The following RSPRY1 variants were observed in gnomAD, a reference collection of about 807,000 sequenced individuals.
The protein encoded by RSPRY1 is RING finger and SPRY domain-containing protein 1.
Under a neutral mutation model 73.1 loss-of-function variants are expected in RSPRY1, and 23 were observed. The ratio of observed to expected loss-of-function variants is 0.31; its 90% CI spans 0.23 to 0.45. RSPRY1 has a LOEUF of 0.45. RSPRY1 is among the 20% of genes least tolerant of loss of function. The probability of loss-of-function intolerance (pLI) is 1.00; values close to 1 mark genes in which losing one functional copy is unlikely to be tolerated. For missense variants in RSPRY1, 448 were observed against 698.7 expected (o/e 0.64, Z 4.05); for synonymous variants, 226 against 251.4 (o/e 0.90, Z 0.95).
At chr16:57,212,102 A>G (rs1409290411) in intron 4 of RSPRY1, among the ~76,000 whole-genome samples, 7 of 152,166 alleles carry the variant, frequency 4.6e-5, no homozygotes, top group Non-Finnish European at 8.8e-5. Flanking sequence ...ACTTAAGGCC[A>G]GGAGTTCAAG....
At chr16:57,235,740 G>T (rs1312815842) in intron 14 of RSPRY1, among the ~76,000 whole-genome samples, 1 of 152,230 alleles carries the variant, frequency 6.6e-6, no homozygotes, top group Non-Finnish European at 1.5e-5. Context: ...GCCAGTCAAT[G>T]TGTGCCGATT....
At chr16:57,232,766 A>G (rs2075244704) in intron 13 of RSPRY1, among the ~76,000 whole-genome samples, 1 of 152,248 alleles carries the variant, frequency 6.6e-6, no homozygotes, top group South Asian at 2.1e-4. Flanking sequence ...GGCAGCTTAT[A>G]CATACTCTCT....
At chr16:57,221,222 G>T in intron 9 of RSPRY1, 50 bp from the exon 10 acceptor site, 1 of 1,599,720 alleles carries the variant, frequency 6.3e-7, no homozygotes, top group Non-Finnish European at 8.5e-7. Flanking sequence ...GTTATCTTTG[G>T]TGGTCTTCAG....
chr16:57,231,224 T>C lies in RSPRY1; in HGVS notation c.1434T>C (p.Phe478=). The part of the protein sequence containing the change: ...FMSYQQCEFN[F]GAKPFKYPPS... The stretch of plus-strand genomic sequence containing the variant: ...CATATCAACAATGTGAGTTCAATTT[T>C]GGAGCAAAACCATTCAAATACCCAC... Residue 478 remains phenylalanine, a synonymous_variant, in exon 13 of 15, where the codon TTT becomes TTC. Coordinates refer to ENST00000394420, the MANE Select transcript of RSPRY1 (RefSeq NM_133368.3). 6.2e-7 allele frequency: 1 copy of C among 1,614,028 alleles called. No individual in the cohort carries two copies. The highest frequency in any genetic ancestry group is 8.5e-7 in the Non-Finnish European group (1 of 1,179,962).
intron 14 of RSPRY1, among the ~76,000 whole-genome samples, chr16:57,235,543 A>G (rs990510337): frequency 1.3e-5 from 2 of 152,202 alleles, no homozygotes; most frequent in Non-Finnish European, 2.9e-5. Flanking sequence ...ACAGTCAACC[A>G]TTGAGAAGTT....
intron 3 of RSPRY1, among the ~76,000 whole-genome samples, chr16:57,208,542 G>A (rs1420783358): frequency 6.6e-6 from 1 of 151,190 alleles, no homozygotes; most frequent in African/African-American, 2.4e-5. Flanking sequence ...TAGCACCACA[G>A]GCGCATGCCA....
At chr16:57,193,020 T>A (rs1221826111) in intron 1 of RSPRY1, among the ~76,000 whole-genome samples, 1 of 152,148 alleles carries the variant, frequency 6.6e-6, no homozygotes, top group Non-Finnish European at 1.5e-5. Context: ...CCTGCTCAGA[T>A]AGTCTTTCAA....
chr16:57,199,551 A>G (rs1487564276), intron 1 of RSPRY1, among the ~76,000 whole-genome samples: 2 of 152,236 alleles, frequency 1.3e-5, no homozygotes, highest in African/African-American at 4.8e-5. Flanking sequence ...CAAACATATG[A>G]AGCTTTTAAG....
chr16:57,186,245 T>C (rs2074166045), upstream of RSPRY1: 1 of 902,444 alleles, frequency 1.1e-6, no homozygotes, highest in African/African-American at 1.8e-5. Flanking sequence ...GGTGATTGGC[T>C]GTCAAGGAGA....
chr16:57,202,914 ACTTTCTGTCT>A (rs2074652311), intron 1 of RSPRY1, among the ~76,000 whole-genome samples: 1 of 143,224 alleles, frequency 7.0e-6, no homozygotes, highest in Non-Finnish European at 1.5e-5. Context: ...ATATCTGAAG[ACTTTCTGTCT>A]CCATTTTTCT....
intron 1 of RSPRY1, among the ~76,000 whole-genome samples, chr16:57,195,766 T>A (rs1473932570): frequency 1.3e-5 from 2 of 151,836 alleles, no homozygotes; most frequent in Non-Finnish European, 2.9e-5. Flanking sequence ...CTCACACCTG[T>A]AATCCCAGCA....
chr16:57,208,928 A>G (rs2074782672), intron 3 of RSPRY1, 147 bp from the exon 4 acceptor site: 3 of 569,066 alleles, frequency 5.3e-6, no homozygotes, highest in Admixed American at 3.3e-5. Flanking sequence ...ATGACTAGCA[A>G]TTGATGATTA....
intron 7 of RSPRY1, among the ~76,000 whole-genome samples, 178 bp from the exon 8 acceptor site, chr16:57,216,726 A>C (rs2074947545): frequency 6.6e-6 from 1 of 152,224 alleles, no homozygotes; most frequent in Non-Finnish European, 1.5e-5. Flanking sequence ...TGACTAAAAA[A>C]AAGGAAAACA....
At position 57,208,376 on chromosome 16, in the gene RSPRY1, TTATATA is replaced by T. The variant is rs200643065; in HGVS notation, c.403+286_403+291del. On this transcript the variant is annotated intron_variant, in intron 3 of 14. Coordinates refer to ENST00000394420, the MANE Select transcript of RSPRY1 (RefSeq NM_133368.3). ...TGTTCTGGAATGGAGAGGAGATTAT[TTATATA>T]TATATATATATATATATATTTTTTT... 9.6e-4 allele frequency among the ~76,000 whole-genome samples: 91 copies of T among 94,350 alleles called. 12 individuals carry two copies. The Middle Eastern group carries it at 0.033, about 35-fold the overall frequency. 61.9% of individuals were successfully genotyped at this position (94,350 alleles called of 152,430 possible).
intron 1 of RSPRY1, among the ~76,000 whole-genome samples, chr16:57,198,944 G>A (rs2074505066): frequency 6.6e-6 from 1 of 152,192 alleles, no homozygotes; most frequent in Non-Finnish European, 1.5e-5. Flanking sequence ...CACTTCCCCA[G>A]GGGATGACAC....
intron 6 of RSPRY1, among the ~76,000 whole-genome samples, chr16:57,214,571 T>C (rs1209184831): frequency 6.6e-6 from 1 of 152,248 alleles, no homozygotes; most frequent in African/African-American, 2.4e-5. Context: ...TGATACGTGC[T>C]TAAAACACTT....
intron 1 of RSPRY1, among the ~76,000 whole-genome samples, chr16:57,202,860 A>C (rs1395201828): frequency 1.5e-5 from 2 of 135,248 alleles, no homozygotes; most frequent in Non-Finnish European, 3.1e-5. Flanking sequence ...CTCTTTATAT[A>C]TATTTTATTA....
chr16:57,213,400 T>C (rs1029291195), intron 5 of RSPRY1, among the ~76,000 whole-genome samples: 4 of 152,206 alleles, frequency 2.6e-5, no homozygotes, highest in African/African-American at 9.6e-5. Context: ...AACAAAGATA[T>C]GTATGTGTGT....
At chr16:57,197,204 T>C (rs983626304) in intron 1 of RSPRY1, among the ~76,000 whole-genome samples, 2 of 152,124 alleles carry the variant, frequency 1.3e-5, no homozygotes, top group African/African-American at 4.8e-5. Flanking sequence ...TTGCCTGCAG[T>C]CCATCACTTC....
Sources: gnomAD v4.1 joint callset for allele counts (sites outside exome capture counted in the v4.1 genomes callset) on GRCh38, gnomAD v4.1.1 for gene constraint, MANE v1.5 for transcripts, NCBI Gene and HGNC (gene_info 2026-07-23, HGNC 2026-07-21) for gene names.